The following NLRP5 variants were observed in gnomAD, a reference collection of about 807,000 sequenced individuals.
NLRP5 encodes NLR family pyrin domain containing 5.
Under a neutral mutation model 113.1 loss-of-function variants are expected in NLRP5, and 93 were observed. The ratio of observed to expected loss-of-function variants is 0.82; its 90% CI spans 0.70 to 0.98. The LOEUF (loss-of-function observed/expected upper bound fraction) is 0.98. Ranked by LOEUF, NLRP5 falls within the 50% of genes least tolerant of loss-of-function variation. The probability of loss-of-function intolerance (pLI) is 0.00; values close to 1 mark genes in which losing one functional copy is unlikely to be tolerated. For missense variants in NLRP5, 1,808 were observed against 1,514.3 expected (o/e 1.19, Z -3.22); for synonymous variants, 751 against 600.7 (o/e 1.25, Z -3.66).
chr19:56,042,277 A>C (rs1180810067), intron 11 of NLRP5, among the ~76,000 whole-genome samples: 1 of 152,028 alleles, frequency 6.6e-6, no homozygotes, highest in African/African-American at 2.4e-5. Flanking sequence ...TGATACAGAC[A>C]CAATACAGAT....
At chr19:55,987,916 C>T in the NLRP5 span, 20 of 1,601,894 alleles carry the variant, frequency 1.2e-5, no homozygotes, top group Admixed American at 1.7e-5. Flanking sequence ...ATCCTTAGGC[C>T]GTCCAGTCAT....
rs577319853 is a variant in NLRP5 at position 56,059,462 on chromosome 19, A to G, written c.3470+1052A>G. ...GAACACAGTTGTACTTGAAGGGAGT[A>G]AAATCTTGACCAGAGAAATGTACAG... On this transcript the variant is annotated intron_variant, in intron 14 of 14. Coordinates refer to ENST00000390649, the MANE Select transcript of NLRP5 (RefSeq NM_153447.4). 3.9e-5 allele frequency among the ~76,000 whole-genome samples: 6 copies of G among 152,352 alleles called. 1 individual carries two copies. The East Asian group carries it at 7.7e-4, about 20-fold the overall frequency.
the NLRP5 span, among the ~76,000 whole-genome samples, chr19:55,993,756 A>G: frequency 6.6e-6 from 1 of 150,412 alleles, no homozygotes; most frequent in East Asian, 2.0e-4. Flanking sequence ...ATTTTGCTTC[A>G]CACAATGAAC....
intron 13 of NLRP5, among the ~76,000 whole-genome samples, 189 bp downstream of exon 13, chr19:56,053,997 G>A (rs1984034183): frequency 6.6e-6 from 1 of 152,166 alleles, no homozygotes; most frequent in Admixed American, 6.5e-5. Flanking sequence ...TGAGACGGAT[G>A]AAGTGGCAAA....
chr19:56,056,222 C>A (rs1984144792), intron 13 of NLRP5, among the ~76,000 whole-genome samples: 5 of 152,104 alleles, frequency 3.3e-5, no homozygotes, highest in African/African-American at 7.2e-5. Flanking sequence ...TATCAAGAAG[C>A]CAACTATGAT....
intron 13 of NLRP5, among the ~76,000 whole-genome samples, chr19:56,057,124 A>G (rs1172455807): frequency 6.6e-6 from 1 of 152,212 alleles, no homozygotes; most frequent in Non-Finnish European, 1.5e-5. Flanking sequence ...CGATAGAGCA[A>G]GACTCAGTCT....
At chr19:56,002,090 G>A (rs1428071045) in intron 1 of NLRP5, among the ~76,000 whole-genome samples, 2 of 152,172 alleles carry the variant, frequency 1.3e-5, no homozygotes, top group Admixed American at 1.3e-4. Context: ...GTAATTGATA[G>A]CAGAGGTCCT....
Position 56,028,307 on chromosome 19 carries a change from T to C in NLRP5, c.2074T>C (p.Phe692Leu). The C allele has an allele frequency of 6.2e-7, 1 of 1,613,962 alleles. No individual in the cohort carries two copies. Among genetic ancestry groups the C allele is most frequent in the South Asian group, 1.1e-5 (1 of 91,082 alleles). The change falls in exon 7 of 15, where the codon TTC becomes CTC. Residue 692 changes from phenylalanine (F) to leucine (L), a missense_variant. By Grantham distance (22) the Phe-to-Leu change is conservative. Transcript: ENST00000390649. ...CACCCTGGACGCCTTCCACTGTCTTTTCGAGACTCAAGACAAAGAGTTTGT... is the reference window on the plus strand; with the variant it reads ...CACCCTGGACGCCTTCCACTGTCTTCTCGAGACTCAAGACAAAGAGTTTGT...
intron 12 of NLRP5, among the ~76,000 whole-genome samples, chr19:56,052,419 C>A (rs1257788461): frequency 6.6e-6 from 1 of 152,228 alleles, no homozygotes; most frequent in South Asian, 2.1e-4. Flanking sequence ...CAGGCACCTG[C>A]CACCATGCCC....
At chr19:56,055,632 G>C (rs866622647) in intron 13 of NLRP5, among the ~76,000 whole-genome samples, 4 of 130,198 alleles carry the variant, frequency 3.1e-5, no homozygotes, top group Non-Finnish European at 6.3e-5. Context: ...TGCAAGCTCC[G>C]CCTCCCAGGT....
Position 56,046,886 on chromosome 19 carries a change from C to A in NLRP5, c.2958-3532C>A, listed in dbSNP as rs192154338. Among the ~76,000 whole-genome samples, 5 of 152,312 alleles carry A rather than the reference C, an allele frequency of 3.3e-5. No homozygotes were observed. The East Asian group carries it at 9.7e-4, about 29-fold the overall frequency. ...TTCTGTGAATCCGTCTGGTCCTGGA[C>A]TTGTTGGTAATTTTTAAATTACCAT... On this transcript the variant is annotated intron_variant, in intron 11 of 14. Coordinates refer to ENST00000390649, the MANE Select transcript of NLRP5 (RefSeq NM_153447.4).
In NLRP5 at chr19:56,058,307, C is replaced by CA. The variant is rs755405094; in HGVS notation, c.3368dup (p.His1123GlnfsTer11). 3 of 1,613,768 alleles carry CA rather than the reference C, an allele frequency of 1.9e-6. No individual in the cohort carries two copies. The highest frequency in any genetic ancestry group is 2.7e-5 in the African/African-American group (2 of 74,924). On this transcript the variant is annotated frameshift_variant, in exon 14 of 15. Coordinates refer to ENST00000390649, the MANE Select transcript of NLRP5 (RefSeq NM_153447.4). LOFTEE classifies it high-confidence loss of function. ...CTCCTTGGCCCTTTCCTGCAACCGG[C>CA]ATCTGACCAGTCTAAACCTGGTGCA...
Position 56,030,382 on chromosome 19 carries a change from T to A in NLRP5, c.2276+1873T>A, listed in dbSNP as rs569777694. ...GAGACTCTATCTCAAAAAAAAAAAA[T>A]TCTCACATGGAAGAGGTCTGGCACA... On this transcript the variant is annotated intron_variant, in intron 7 of 14. Coordinates refer to ENST00000390649, the MANE Select transcript of NLRP5 (RefSeq NM_153447.4). 5.0e-4 allele frequency among the ~76,000 whole-genome samples: 76 copies of A among 151,718 alleles called. 1 individual carries two copies. The highest frequency in any genetic ancestry group is 1.6e-3 in the Admixed American group (24 of 15,204).
intron 11 of NLRP5, among the ~76,000 whole-genome samples, chr19:56,047,749 C>T (rs534317192): frequency 2.6e-5 from 4 of 152,198 alleles, no homozygotes; most frequent in African/African-American, 7.2e-5. Flanking sequence ...CCATTTGTTC[C>T]AAAGTATAGT....
In NLRP5 at chr19:56,041,024, G is replaced by A. The variant is rs369709733; in HGVS notation, c.2889G>A (p.Leu963=). 3.1e-6 allele frequency: 5 copies of A among 1,613,966 alleles called. No individual in the cohort carries two copies. Among genetic ancestry groups the A allele is most frequent in the Non-Finnish European group, 3.4e-6 (4 of 1,179,888 alleles). Residue 963 remains leucine (L), a synonymous_variant, in exon 11 of 15, where the codon CTG becomes CTA. Transcript: ENST00000390649. ...ACCTGTGCCTATCCAACAACAGCCT[G>A]GGGAACGAAGGTGTAAATCTACTGT...
chr19:56,036,808 T>C (rs914164195), intron 9 of NLRP5, among the ~76,000 whole-genome samples: 127 of 152,102 alleles, frequency 8.3e-4, no homozygotes, highest in African/African-American at 2.9e-3. Context: ...AATACAAAAA[T>C]TAGTCGGGCA....
rs180848963 is a variant in NLRP5, at chr19:56,056,019, G to T, written c.3299+2211G>T. On this transcript the variant is annotated intron_variant, in intron 13 of 14. Transcript: ENST00000390649. ...CGAGTTGCTGTTGTGTGCAGTCAGG[G>T]ATCATGGATGTAAATTTGTTTTCCC... 1.2e-3 allele frequency among the ~76,000 whole-genome samples: 188 copies of T among 152,202 alleles called. 1 individual carries two copies. The highest frequency in any genetic ancestry group is 4.4e-3 in the African/African-American group (182 of 41,514).
intron 9 of NLRP5, among the ~76,000 whole-genome samples, chr19:56,036,023 T>C (rs1983297359): frequency 2.0e-5 from 3 of 151,422 alleles, no homozygotes; most frequent in Non-Finnish European, 4.4e-5. Context: ...TACTACGACA[T>C]GTTCCTGGGA....
At chr19:56,055,944 C>T (rs1612594) in intron 13 of NLRP5, among the ~76,000 whole-genome samples, 21,028 of 152,130 alleles carry the variant, frequency 0.14, 1,764 homozygotes, top group Middle Eastern at 0.19. Context: ...CACTCTCCAC[C>T]CTCTCTGCTC....
Sources: allele counts gnomAD v4.1 joint callset (sites outside exome capture counted in the v4.1 genomes callset), GRCh38; gene constraint gnomAD v4.1.1; transcripts MANE v1.5; gene names NCBI Gene and HGNC (gene_info 2026-07-23, HGNC 2026-07-21).